Variants in PRLR observed in about 807,000 individuals in gnomAD.
The protein encoded by PRLR is hPRL receptor.
In PRLR, 13 loss-of-function variants were observed where a neutral mutation model predicts 40.2. The observed-to-expected ratio is 0.32, with a 90% CI of 0.21 to 0.51. PRLR has a LOEUF of 0.51. Ranked by LOEUF, PRLR falls within the 20% of genes least tolerant of loss-of-function variation. PRLR has a pLI of 0.97. For missense variants in PRLR, 656 were observed against 747.3 expected (o/e 0.88, Z 1.42); for synonymous variants, 269 against 278.7 (o/e 0.97, Z 0.35).
At chr5:35,122,809 T>G in intron 1 of PRLR, among the ~76,000 whole-genome samples, 1 of 152,122 alleles carries the variant, frequency 6.6e-6, no homozygotes, top group Non-Finnish European at 1.5e-5. Context: ...GCACATCCAC[T>G]TGAGTCAAAG....
chr5:35,112,024 C>T (rs1579675266), intron 2 of PRLR, among the ~76,000 whole-genome samples: 1 of 152,350 alleles, frequency 6.6e-6, no homozygotes, highest in African/African-American at 2.4e-5. Context: ...AAGCTCCCCT[C>T]TAGGTTAGAA....
intron 1 of PRLR, among the ~76,000 whole-genome samples, chr5:35,157,085 G>GA (rs1354150753): frequency 6.6e-5 from 10 of 152,072 alleles, no homozygotes; most frequent in African/African-American, 2.2e-4. Flanking sequence ...GATATCTTGG[G>GA]AAAAAGAGTG....
At position 35,065,764 on chromosome 5, in the gene PRLR, G is replaced by A; in HGVS notation, c.1194C>T (p.Ser398=). Residue 398 remains serine (S), a synonymous_variant, in exon 10 of 10, where the codon AGC becomes AGT. Transcript: ENST00000618457. ...TTHTWDPQCI[S]MEGKIPYFHA... ...GAAAATAGGGGATTTTGCCTTCCATGCTTATGCACTGGGGGTCCCAGGTGT... is the reference window on the plus strand; with the variant it reads ...GAAAATAGGGGATTTTGCCTTCCATACTTATGCACTGGGGGTCCCAGGTGT... 2 of 1,614,120 alleles carry A rather than the reference G, an allele frequency of 1.2e-6. No homozygotes were observed. Among genetic ancestry groups the A allele is most frequent in the South Asian group, 1.1e-5 (1 of 91,074 alleles).
rs572061336 is a variant in PRLR, at chr5:35,087,042, G to A, written c.71-702C>T. Among the ~76,000 whole-genome samples, 5 of 152,104 alleles carry A rather than the reference G, an allele frequency of 3.3e-5. No homozygotes were observed. The South Asian group carries it at 6.2e-4, about 19-fold the overall frequency. ...GGAGTCTCACTCTATCGCCCAGGCT[G>A]GAGTGCAGTGGTGCGATCTTGGCTC... is the stretch of plus-strand genomic sequence containing the variant. On this transcript the variant is annotated intron_variant, in intron 3 of 9. Coordinates refer to ENST00000618457, the MANE Select transcript of PRLR (RefSeq NM_000949.7).
At chr5:35,119,619 G>A (rs181390189) in intron 1 of PRLR, among the ~76,000 whole-genome samples, 1 of 152,228 alleles carries the variant, frequency 6.6e-6, no homozygotes, top group Admixed American at 6.5e-5. Flanking sequence ...TTTCTCCATA[G>A]GGTGCAGTGA....
chr5:35,227,996 C>T (rs900772667), intron 1 of PRLR, among the ~76,000 whole-genome samples: 1 of 152,108 alleles, frequency 6.6e-6, no homozygotes, highest in Admixed American at 6.5e-5. Context: ...TTCGAACAGC[C>T]AGTCTGACTC....
At chr5:35,172,722 A>T (rs1292411561) in intron 1 of PRLR, among the ~76,000 whole-genome samples, 6 of 152,182 alleles carry the variant, frequency 3.9e-5, no homozygotes, top group African/African-American at 1.4e-4. Context: ...CGGCAGCATG[A>T]GCTCCCTGTC....
At chr5:35,134,119 C>G (rs1579714564) in intron 1 of PRLR, among the ~76,000 whole-genome samples, 1 of 152,028 alleles carries the variant, frequency 6.6e-6, no homozygotes, top group Non-Finnish European at 1.5e-5. Flanking sequence ...CAAAATCTCA[C>G]AAATCACCAC....
chr5:35,062,629 G>A lies in PRLR; in HGVS notation c.*2460C>T, dbSNP rs1477851992. The A allele has an allele frequency of 1.3e-5, 2 of 152,056 alleles. No individual in the cohort carries two copies. The highest frequency in any genetic ancestry group is 2.4e-5 in the African/African-American group (1 of 41,400). 9.4% of individuals were successfully genotyped at this position (152,056 alleles called of 1,614,324 possible). The stretch of plus-strand genomic sequence containing the variant: ...AAAAGCAGATTACTTTTATGTTTAG[G>A]TTTTCAGACTATAAGAGTGACTGAT... On this transcript the variant is annotated 3_prime_UTR_variant, in exon 10 of 10. Transcript: ENST00000618457.
intron 1 of PRLR, among the ~76,000 whole-genome samples, chr5:35,225,271 C>G (rs1441822426): frequency 6.6e-6 from 1 of 152,144 alleles, no homozygotes; most frequent in African/African-American, 2.4e-5. Flanking sequence ...ATCACTGAGT[C>G]TATTTTATCA....
intron 3 of PRLR, among the ~76,000 whole-genome samples, chr5:35,087,374 T>A (rs1770920506): frequency 6.6e-6 from 1 of 152,032 alleles, no homozygotes; most frequent in South Asian, 2.1e-4. Flanking sequence ...CATTTCTGAA[T>A]CTTGGTTTTT....
chr5:35,059,300 C>T lies in PRLR; in HGVS notation c.*5789G>A, dbSNP rs1227712628. The T allele has an allele frequency of 6.6e-6, 1 of 151,976 alleles. No homozygotes were observed. Among genetic ancestry groups the T allele is most frequent in the Admixed American group, 6.6e-5 (1 of 15,252 alleles). 9.4% of individuals were successfully genotyped at this position (151,976 alleles called of 1,614,324 possible). On this transcript the variant is annotated 3_prime_UTR_variant, in exon 10 of 10. Coordinates refer to ENST00000618457, the MANE Select transcript of PRLR (RefSeq NM_000949.7). The stretch of plus-strand genomic sequence containing the variant: ...TCTGTGGTCTATTTATTGACCACAC[C>T]TTATAAACAGGATAGGTTTTTCCTA...
intron 1 of PRLR, 43 bp downstream of exon 1, chr5:35,230,225 C>T (rs1027942099): frequency 6.6e-6 from 1 of 152,244 alleles, no homozygotes; most frequent in Non-Finnish European, 1.5e-5. Flanking sequence ...CAGCCCCTGC[C>T]GCGCGCCGTC....
At chr5:35,110,825 C>T (rs145137004) in intron 2 of PRLR, among the ~76,000 whole-genome samples, 1 of 152,258 alleles carries the variant, frequency 6.6e-6, no homozygotes, top group Non-Finnish European at 1.5e-5. Flanking sequence ...GCCACATTGT[C>T]CCCCAACAGA....
At chr5:35,084,157 G>A (rs189971011) in intron 5 of PRLR, among the ~76,000 whole-genome samples, 28 of 152,210 alleles carry the variant, frequency 1.8e-4, no homozygotes, top group East Asian at 5.8e-4. Flanking sequence ...AGGAAGAAGC[G>A]GACATCAATT....
At chr5:35,173,820 T>G (rs986593318) in intron 1 of PRLR, among the ~76,000 whole-genome samples, 2 of 151,938 alleles carry the variant, frequency 1.3e-5, no homozygotes, top group African/African-American at 4.8e-5. Flanking sequence ...TGTTGTTGTT[T>G]CTTTTCTTTT....
intron 1 of PRLR, among the ~76,000 whole-genome samples, chr5:35,174,135 G>A (rs1394876885): frequency 6.7e-6 from 1 of 149,334 alleles, no homozygotes; most frequent in Non-Finnish European, 1.5e-5. Flanking sequence ...TGTCACCCAA[G>A]CTAGAATGCA....
At chr5:35,115,738 G>A (rs1772977360) in intron 2 of PRLR, among the ~76,000 whole-genome samples, 1 of 151,948 alleles carries the variant, frequency 6.6e-6, no homozygotes, top group African/African-American at 2.4e-5. Flanking sequence ...GGGTGGGTAT[G>A]GGGCACGAGG....
chr5:35,170,252 A>C (rs1774961148), intron 1 of PRLR, among the ~76,000 whole-genome samples: 1 of 152,184 alleles, frequency 6.6e-6, no homozygotes, highest in African/African-American at 2.4e-5. Context: ...AAAATAACTG[A>C]TCCTGCTGGT....
Sources: allele counts gnomAD v4.1 joint callset (sites outside exome capture counted in the v4.1 genomes callset), GRCh38; gene constraint gnomAD v4.1.1; transcripts MANE v1.5; gene names NCBI Gene and HGNC (gene_info 2026-07-23, HGNC 2026-07-21).